Variants in C5orf63 observed in about 807,000 individuals in gnomAD.
C5orf63 encodes the protein glutaredoxin-like protein C5orf63.
C5orf63 carries 18 observed loss-of-function variants against 13.3 expected under a neutral mutation model. The ratio of observed to expected loss-of-function variants is 1.36; its 90% CI spans 0.94 to 2.01. The LOEUF (loss-of-function observed/expected upper bound fraction) is 2.01. Among genes scored for constraint, C5orf63 ranks in the 30% most tolerant of loss-of-function variants. C5orf63 has a pLI of 0.00. For synonymous variants in C5orf63, 38 were observed against 44.7 expected (o/e 0.85, Z 0.60); for missense variants, 118 against 127.7 (o/e 0.92, Z 0.36).
intron 2 of C5orf63, among the ~76,000 whole-genome samples, chr5:127,063,962 G>A (rs527969755): frequency 2.6e-5 from 4 of 152,268 alleles, no homozygotes; most frequent in South Asian, 4.1e-4. Flanking sequence ...TATGTAATGA[G>A]GTGAGGTTGC....
downstream of C5orf63, chr5:127,046,689 G>A (rs190416132): frequency 1.3e-5 from 2 of 152,234 alleles, no homozygotes; most frequent in African/African-American, 2.4e-5. Flanking sequence ...TATAGATTTG[G>A]TCAGCCAACT....
intron 2 of C5orf63, among the ~76,000 whole-genome samples, chr5:127,064,806 G>A (rs546191500): frequency 4.6e-5 from 7 of 152,174 alleles, no homozygotes; most frequent in South Asian, 4.1e-4. Context: ...GTTTGGACTC[G>A]ATGGGTGCTA....
intron 2 of C5orf63, among the ~76,000 whole-genome samples, chr5:127,061,612 A>G (rs1332659193): frequency 6.6e-6 from 1 of 152,258 alleles, no homozygotes; most frequent in East Asian, 1.9e-4. Flanking sequence ...TGGTACATAC[A>G]TATTTTTATA....
chr5:127,070,565 T>C lies in C5orf63; in HGVS notation c.-8+1019A>G, dbSNP rs138023006. The stretch of plus-strand genomic sequence containing the variant: ...TTGTTAGTAAAGTAGAAAAGACAAG[T>C]GTGGATTTCCTTCAATATTATTTGG... On this transcript the variant is annotated intron_variant, in intron 2 of 4. Coordinates refer to ENST00000296662, the MANE Select transcript of C5orf63 (RefSeq NM_001164478.2). 8.4e-4 allele frequency among the ~76,000 whole-genome samples: 128 copies of C among 152,302 alleles called. 1 individual carries two copies. Among genetic ancestry groups the C allele is most frequent in the Middle Eastern group, 3.4e-3 (1 of 294 alleles).
At chr5:127,058,648 C>T (rs1423889562) in intron 3 of C5orf63, 1 of 451,360 alleles carries the variant, frequency 2.2e-6, no homozygotes, top group Non-Finnish European at 3.9e-6. Context: ...ACCTATACTT[C>T]ATTTTTTTCA....
downstream of C5orf63, chr5:127,044,590 T>A (rs1753480307): frequency 6.6e-6 from 1 of 152,084 alleles, no homozygotes; most frequent in Non-Finnish European, 1.5e-5. Flanking sequence ...GGTCACAGCA[T>A]CAAAGTATCC....
chr5:127,058,583 A>G (rs750661912), intron 3 of C5orf63, among the ~76,000 whole-genome samples: 54 of 152,226 alleles, frequency 3.5e-4, no homozygotes, highest in Admixed American at 6.5e-4. Flanking sequence ...AATTACCACA[A>G]ATAAAAATAA....
At chr5:127,052,327 A>G in intron 4 of C5orf63, 1 of 342,996 alleles carries the variant, frequency 2.9e-6, no homozygotes. Flanking sequence ...AAAACAAGAT[A>G]AAAGGAATGG....
rs190513007 is a variant in C5orf63 at position 127,051,736 on chromosome 5, T to A, written c.*35A>T. ...GTCATTTCCTTAGGAAGATGCTTTA[T>A]GGGAAGAGAGGGTGGAAAATCATGA... is the stretch of plus-strand genomic sequence containing the variant. On this transcript the variant is annotated 3_prime_UTR_variant, in exon 5 of 5. Transcript: ENST00000296662. The A allele has an allele frequency of 1.4e-6, 2 of 1,460,604 alleles. No homozygotes were observed. The highest frequency in any genetic ancestry group is 2.8e-5 in the African/African-American group (2 of 70,622). 90.5% of individuals were successfully genotyped at this position (1,460,604 alleles called of 1,614,324 possible).
chr5:127,072,032 A>C (rs1358912323), intron 1 of C5orf63: 1 of 152,200 alleles, frequency 6.6e-6, no homozygotes, highest in Non-Finnish European at 1.5e-5. Flanking sequence ...CCACACAGCC[A>C]CATATTCCTC....
At chr5:127,056,255 T>G (rs1384077915) in intron 3 of C5orf63, 2 of 152,086 alleles carry the variant, frequency 1.3e-5, no homozygotes, top group African/African-American at 4.8e-5. Context: ...TTTGCTGGAG[T>G]TTCTGTAGAT....
At chr5:127,062,468 T>C (rs1754144409) in intron 2 of C5orf63, among the ~76,000 whole-genome samples, 1 of 152,222 alleles carries the variant, frequency 6.6e-6, no homozygotes, top group Non-Finnish European at 1.5e-5. Context: ...CACTGTATTA[T>C]AAAATTATAT....
At position 127,068,794 on chromosome 5, in the gene C5orf63, C is replaced by T. The variant is rs1312340379; in HGVS notation, c.-8+2790G>A. 2.0e-5 allele frequency among the ~76,000 whole-genome samples: 3 copies of T among 152,146 alleles called. No individual in the cohort carries two copies. The East Asian group carries it at 5.8e-4, about 29-fold the overall frequency. The stretch of plus-strand genomic sequence containing the variant: ...ATGGGGTTGGTGCACATGACAATGT[C>T]AGGGAAGAGTTTCCAAACACTCAGC... On this transcript the variant is annotated intron_variant, in intron 2 of 4. Coordinates refer to ENST00000296662, the MANE Select transcript of C5orf63 (RefSeq NM_001164478.2).
chr5:127,053,649 G>A (rs1753771500), intron 3 of C5orf63, among the ~76,000 whole-genome samples: 1 of 152,226 alleles, frequency 6.6e-6, no homozygotes, highest in South Asian at 2.1e-4. Flanking sequence ...TGTTCTCATT[G>A]TTCAATTCCC....
intron 3 of C5orf63, 71 bp downstream of exon 3, chr5:127,058,811 T>A (rs2097247183): frequency 9.9e-7 from 1 of 1,007,464 alleles, no homozygotes; most frequent in Admixed American, 2.2e-5. Context: ...TTGCCTTTCC[T>A]TTCAACTTTG....
At chr5:127,049,225 A>G (rs944544664), downstream of C5orf63, among the ~76,000 whole-genome samples, 1 of 152,150 alleles carries the variant, frequency 6.6e-6, no homozygotes, top group Admixed American at 6.5e-5. Flanking sequence ...ATGCTGGGCC[A>G]AAAGCACATT....
At chr5:127,064,096 A>G (rs1046846949) in intron 2 of C5orf63, among the ~76,000 whole-genome samples, 12 of 152,172 alleles carry the variant, frequency 7.9e-5, no homozygotes, top group Non-Finnish European at 1.5e-4. Context: ...TCACTCTCCC[A>G]AACAAGTGGG....
intron 3 of C5orf63, among the ~76,000 whole-genome samples, chr5:127,053,272 C>G (rs1332723807): frequency 6.6e-6 from 1 of 152,172 alleles, no homozygotes; most frequent in Non-Finnish European, 1.5e-5. Flanking sequence ...ACCTGAAGAG[C>G]AAACAACTTT....
chr5:127,050,981 A>G (rs887092150), downstream of C5orf63, among the ~76,000 whole-genome samples: 1 of 152,220 alleles, frequency 6.6e-6, no homozygotes, highest in African/African-American at 2.4e-5. Flanking sequence ...TTTTATCTTT[A>G]GATGACATAT....
Sources: gnomAD v4.1 joint callset for allele counts (sites outside exome capture counted in the v4.1 genomes callset) on GRCh38, gnomAD v4.1.1 for gene constraint, MANE v1.5 for transcripts, NCBI Gene and HGNC (gene_info 2026-07-23, HGNC 2026-07-21) for gene names.